The following KLHL13 variants were observed in gnomAD, a reference collection of about 807,000 sequenced individuals.
KLHL13 encodes kelch-like protein 13.
KLHL13 carries 10 observed loss-of-function variants against 37.1 expected under a neutral mutation model. That is an observed-to-expected ratio of 0.27 (90% confidence interval 0.17 to 0.46). The LOEUF is 0.46. Among genes scored for constraint, KLHL13 ranks in the 20% least tolerant of loss-of-function variants. KLHL13 has a pLI of 1.00. For synonymous variants in KLHL13, 163 were observed against 181.2 expected, an observed-to-expected ratio of 0.90 and a Z score of 0.81; for missense variants, 360 against 509.3, an observed-to-expected ratio of 0.71 and a Z score of 2.82.
chrX:118,088,706 C>T (rs1311899271), intron 1 of KLHL13, among the ~76,000 whole-genome samples: 3 of 111,738 alleles, frequency 2.7e-5, no homozygotes, highest in Non-Finnish European at 3.8e-5. Flanking sequence ...TAATAACTTA[C>T]GAAAAAGTCA....
chrX:118,005,985 CTGGATGTAGATGTG>C (rs2053976926), intron 1 of KLHL13, among the ~76,000 whole-genome samples: 1 of 111,965 alleles, frequency 8.9e-6, no homozygotes, highest in Non-Finnish European at 1.9e-5. Flanking sequence ...AGGGCTGTGC[CTGGATGTAGATGTG>C]TCATTAAATA....
chrX:118,063,463 T>C (rs1402484345), intron 1 of KLHL13, among the ~76,000 whole-genome samples: 1 of 111,399 alleles, frequency 9.0e-6, no homozygotes, highest in East Asian at 2.8e-4. Context: ...GTGGGCTTCA[T>C]TTCCCCTACA....
intron 1 of KLHL13, among the ~76,000 whole-genome samples, chrX:118,015,968 T>A (rs911221210): frequency 9.0e-6 from 1 of 111,318 alleles, no homozygotes. Context: ...AAGTTTTTAA[T>A]CTTCAAAAAA....
chrX:117,908,391 CT>C (rs990705262), intron 5 of KLHL13, among the ~76,000 whole-genome samples: 8 of 108,942 alleles, frequency 7.3e-5, no homozygotes, highest in Admixed American at 6.0e-4. Context: ...TATCCCTCCC[CT>C]AGCCCCCCAA....
At chrX:118,045,294 A>C (rs763580686) in intron 1 of KLHL13, among the ~76,000 whole-genome samples, 1 of 107,725 alleles carries the variant, frequency 9.3e-6, no homozygotes, top group Non-Finnish European at 1.9e-5. Context: ...GAATGGCGTG[A>C]ACCTGGGAGG....
chrX:118,012,983 T>C (rs1409938221), intron 1 of KLHL13, among the ~76,000 whole-genome samples: 7 of 111,726 alleles, frequency 6.3e-5, no homozygotes. Flanking sequence ...GAGAAAACGG[T>C]GGGATTAGTG....
At chrX:118,010,745 A>G (rs932033857) in intron 1 of KLHL13, among the ~76,000 whole-genome samples, 1 of 109,942 alleles carries the variant, frequency 9.1e-6, no homozygotes, top group South Asian at 4.0e-4. Flanking sequence ...TATAATTTAA[A>G]AAAAAAAAGA....
intron 1 of KLHL13, among the ~76,000 whole-genome samples, chrX:118,031,570 A>ATTAGTTATATATATAT (rs1254135892): frequency 8.1e-4 from 76 of 93,718 alleles, no homozygotes; most frequent in African/African-American, 2.9e-3. Context: ...TTATATATAT[A>ATTAGTTATATATATAT]TTAGTTATAT....
intron 1 of KLHL13, among the ~76,000 whole-genome samples, chrX:118,096,906 T>C (rs1293538284): frequency 2.7e-5 from 3 of 111,458 alleles, no homozygotes; most frequent in Non-Finnish European, 5.6e-5. Context: ...TCTCAATAAA[T>C]TAGGTATTGA....
At chrX:118,036,788 C>T (rs1399107067) in intron 1 of KLHL13, among the ~76,000 whole-genome samples, 2 of 111,038 alleles carry the variant, frequency 1.8e-5, no homozygotes, top group African/African-American at 6.6e-5. Flanking sequence ...AAAGAAACTA[C>T]CATCAGAGTG....
intron 1 of KLHL13, among the ~76,000 whole-genome samples, chrX:118,089,611 A>AAAGAAAGAGAAAGAAG (rs2055098104): frequency 1.6e-5 from 1 of 63,841 alleles, no homozygotes; most frequent in Non-Finnish European, 2.8e-5. Flanking sequence ...AGAGAGAGAG[A>AAAGAAAGAGAAAGAAG]GAAAGAAAGA....
At chrX:118,041,863 T>C (rs954863051) in intron 1 of KLHL13, among the ~76,000 whole-genome samples, 1 of 111,708 alleles carries the variant, frequency 9.0e-6, no homozygotes, top group Non-Finnish European at 1.9e-5. Flanking sequence ...GCTGAAGTCC[T>C]TACAACATTG....
intron 1 of KLHL13, among the ~76,000 whole-genome samples, chrX:118,106,044 G>C: frequency 9.5e-6 from 1 of 105,394 alleles, no homozygotes; most frequent in Non-Finnish European, 1.9e-5. Flanking sequence ...TGGGACTACA[G>C]GCACCTGCCA....
chrX:117,973,157 CT>C (rs1276328927), exon 1 of KLHL13: 24,749 of 546,741 alleles, frequency 0.045, no homozygotes, highest in East Asian at 0.082. Flanking sequence ...AGCAGCCAGG[CT>C]TTTTTTTTTT....
intron 1 of KLHL13, among the ~76,000 whole-genome samples, chrX:118,048,486 A>C (rs1476938279): frequency 8.9e-6 from 1 of 111,770 alleles, no homozygotes; most frequent in African/African-American, 3.2e-5. Context: ...TTTGTTGAGG[A>C]TCTAAAACAA....
chrX:118,019,207 T>C (rs1324525224), intron 1 of KLHL13, among the ~76,000 whole-genome samples: 1 of 111,725 alleles, frequency 9.0e-6, no homozygotes. Context: ...TCTTCCCATT[T>C]CTTCCCACTC....
chrX:117,966,573 T>C (rs1471635646), intron 1 of KLHL13, among the ~76,000 whole-genome samples: 1 of 111,347 alleles, frequency 9.0e-6, no homozygotes, highest in Non-Finnish European at 1.9e-5. Flanking sequence ...AAAGTTCATA[T>C]GGAACCAAAA....
At chrX:117,971,272 G>GT (rs1345720442) in intron 1 of KLHL13, among the ~76,000 whole-genome samples, 7 of 110,957 alleles carry the variant, frequency 6.3e-5, no homozygotes, top group African/African-American at 2.0e-4. Flanking sequence ...TTTTAGTGAG[G>GT]TTTTGTTTTG....
chrX:117,922,987 A>G (rs2147707624), intron 2 of KLHL13, among the ~76,000 whole-genome samples: 1 of 112,059 alleles, frequency 8.9e-6, no homozygotes, highest in East Asian at 2.8e-4. Context: ...GCATTTTAAA[A>G]TTCACTTGAG....
Sources: gnomAD v4.1 joint callset for allele counts (sites outside exome capture counted in the v4.1 genomes callset) on GRCh38, gnomAD v4.1.1 for gene constraint, MANE v1.5 for transcripts, NCBI Gene and HGNC (gene_info 2026-07-23, HGNC 2026-07-21) for gene names.